RAPGEF6: variants seen among roughly 807,000 people sequenced by gnomAD.
RAPGEF6 encodes the protein Rap guanine nucleotide exchange factor 6, also known as PDZ domain containing guanine nucleotide exchange factor (GEF) 2.
RAPGEF6 carries 56 observed loss-of-function variants against 171.4 expected under a neutral mutation model. The observed-to-expected ratio is 0.33, with a 90% CI of 0.26 to 0.41. RAPGEF6 has a LOEUF of 0.41. RAPGEF6 is among the 10% of genes least tolerant of loss of function. The pLI, the probability that RAPGEF6 is intolerant of heterozygous loss-of-function variation, is 1.00. For missense variants in RAPGEF6, 1,674 were observed against 1,921.4 expected (o/e 0.87, Z 2.41); for synonymous variants, 692 against 650.1 (o/e 1.06, Z -0.98).
intron 15 of RAPGEF6, 130 bp downstream of exon 15, chr5:131,489,416 A>G: frequency 1.6e-6 from 1 of 627,648 alleles, no homozygotes; most frequent in South Asian, 2.0e-5. Flanking sequence ...AAAACTAAAG[A>G]TTCTGAAACT....
rs1751662480 is a variant in RAPGEF6, at chr5:131,430,919, T to C, written c.4405A>G (p.Lys1469Glu). Residue 1469 changes from lysine (K) to glutamate (E), a missense_variant, in exon 26 of 28, where the codon AAG (lysine) becomes GAG (glutamate). Lys to Glu is a moderately conservative substitution (Grantham distance 56). This residue lies in a region of RAPGEF6 where 552 missense variants were observed against 574.2 expected (regional missense o/e 0.96). Transcript: ENST00000509018. The stretch of plus-strand genomic sequence containing the variant: ...TTATAAACTGGGTCAGTGGCATCCT[T>C]GGGGTCCAAGCCTTCAGATGACTCA... ...PAESSEGLDP[K>E]DATDPVYKTV... 3.7e-6 allele frequency: 6 copies of C among 1,613,388 alleles called. No homozygotes were observed. The highest frequency in any genetic ancestry group is 5.1e-6 in the Non-Finnish European group (6 of 1,179,786).
At chr5:131,477,249 C>A (rs1755162776) in intron 16 of RAPGEF6, among the ~76,000 whole-genome samples, 1 of 152,100 alleles carries the variant, frequency 6.6e-6, no homozygotes, top group Non-Finnish European at 1.5e-5. Flanking sequence ...GCTCCAGAAA[C>A]CTTTGACTTC....
intron 20 of RAPGEF6, among the ~76,000 whole-genome samples, chr5:131,454,859 C>A (rs1753368439): frequency 6.6e-6 from 1 of 152,142 alleles, no homozygotes; most frequent in Non-Finnish European, 1.5e-5. Flanking sequence ...AGGCAGATTA[C>A]AGTTAAAGCA....
intron 23 of RAPGEF6, among the ~76,000 whole-genome samples, chr5:131,441,455 T>C (rs1752380155): frequency 6.6e-6 from 1 of 152,226 alleles, no homozygotes; most frequent in Admixed American, 6.5e-5. Context: ...GCAACTTCTC[T>C]GGAACTTTTG....
At chr5:131,438,338 G>A (rs1486880979) in intron 24 of RAPGEF6, among the ~76,000 whole-genome samples, 1 of 152,124 alleles carries the variant, frequency 6.6e-6, no homozygotes, top group East Asian at 1.9e-4. Context: ...ACAGAATCAC[G>A]GTTCAAACTC....
At chr5:131,593,529 A>G (rs1351030485) in intron 3 of RAPGEF6, among the ~76,000 whole-genome samples, 1 of 152,236 alleles carries the variant, frequency 6.6e-6, no homozygotes, top group Non-Finnish European at 1.5e-5. Flanking sequence ...AGAAAAAGAC[A>G]GAAAAGATGT....
chr5:131,435,780 A>C, intron 24 of RAPGEF6: 1 of 1,260,914 alleles, frequency 7.9e-7, no homozygotes, highest in East Asian at 2.7e-5. Context: ...AAAATTTACT[A>C]ACTCAATACA....
chr5:131,596,375 T>A (rs1413953314), intron 3 of RAPGEF6, among the ~76,000 whole-genome samples: 1 of 149,502 alleles, frequency 6.7e-6, no homozygotes, highest in East Asian at 1.9e-4. Flanking sequence ...TATTTGTGTC[T>A]CATATATATA....
chr5:131,570,444 C>A (rs1762210318), intron 4 of RAPGEF6, among the ~76,000 whole-genome samples: 1 of 152,164 alleles, frequency 6.6e-6, no homozygotes, highest in East Asian at 1.9e-4. Flanking sequence ...AGCAATTCTA[C>A]TCCTGCATAT....
intron 21 of RAPGEF6, chr5:131,450,002 T>C (rs764289962): frequency 2.6e-6 from 4 of 1,535,028 alleles, no homozygotes; most frequent in South Asian, 2.4e-5. Flanking sequence ...TCATTCCAGT[T>C]GCGTTCATCT....
At chr5:131,521,205 A>T (rs1038774788) in intron 7 of RAPGEF6, among the ~76,000 whole-genome samples, 185 bp downstream of exon 7, 1 of 152,244 alleles carries the variant, frequency 6.6e-6, no homozygotes, top group African/African-American at 2.4e-5. Flanking sequence ...AATCATTCTC[A>T]AAAGACAGAT....
intron 9 of RAPGEF6, among the ~76,000 whole-genome samples, chr5:131,507,568 A>G (rs569307755): frequency 9.2e-5 from 14 of 152,146 alleles, no homozygotes; most frequent in Non-Finnish European, 1.9e-4. Context: ...CTGTCATCCG[A>G]GCATTTTTGA....
Position 131,499,889 on chromosome 5 carries a change from G to T in RAPGEF6, c.1255-1282C>A, listed in dbSNP as rs1756903882. Among the ~76,000 whole-genome samples the T allele has an allele frequency of 2.0e-5, 3 of 152,120 alleles. No homozygotes were observed. The South Asian group carries it at 6.2e-4, about 32-fold the overall frequency. ...TAAAAAGGTACTTTATTTATTAAAA[G>T]GTACTTTATTTTTATTTATTTATTT... On this transcript the variant is annotated intron_variant, in intron 11 of 27. Transcript: ENST00000509018.
At chr5:131,546,832 G>C (rs1760574687) in intron 6 of RAPGEF6, among the ~76,000 whole-genome samples, 2 of 152,052 alleles carry the variant, frequency 1.3e-5, no homozygotes. Context: ...AAACCTTACA[G>C]ATTTATCTGT....
At chr5:131,531,462 T>G (rs1759366436) in intron 6 of RAPGEF6, among the ~76,000 whole-genome samples, 1 of 152,188 alleles carries the variant, frequency 6.6e-6, no homozygotes, top group African/African-American at 2.4e-5. Flanking sequence ...GTATAGCACT[T>G]TGCTTTTTTG....
intron 4 of RAPGEF6, among the ~76,000 whole-genome samples, chr5:131,575,776 A>T (rs1224380548): frequency 6.6e-6 from 1 of 152,176 alleles, no homozygotes; most frequent in Non-Finnish European, 1.5e-5. Context: ...CTGAAAAACA[A>T]GGCTGTGCGG....
intron 1 of RAPGEF6, among the ~76,000 whole-genome samples, chr5:131,633,260 A>G (rs1027884120): frequency 6.6e-6 from 1 of 152,160 alleles, no homozygotes; most frequent in Non-Finnish European, 1.5e-5. Flanking sequence ...ACCGGGACCC[A>G]GGAGGCGGAG....
intron 6 of RAPGEF6, among the ~76,000 whole-genome samples, chr5:131,541,993 C>T (rs569221990): frequency 1.8e-4 from 27 of 151,176 alleles, no homozygotes; most frequent in Non-Finnish European, 3.3e-4. Flanking sequence ...GTGACTCATC[C>T]AGTGACTTTC....
chr5:131,555,534 CATTT>C (rs1157193766), intron 5 of RAPGEF6, among the ~76,000 whole-genome samples: 2 of 151,864 alleles, frequency 1.3e-5, no homozygotes, highest in South Asian at 2.1e-4. Flanking sequence ...TTACTAATGA[CATTT>C]ATTTATGCAT....
Sources: gnomAD v4.1 joint callset for allele counts (sites outside exome capture counted in the v4.1 genomes callset) on GRCh38, gnomAD v4.1.1 for gene constraint, gnomAD v4.1.1 regional missense constraint, MANE v1.5 for transcripts, NCBI Gene and HGNC (gene_info 2026-07-23, HGNC 2026-07-21) for gene names.